Variants in CPXM2 observed in about 807,000 individuals in gnomAD.
CPXM2 encodes the protein inactive carboxypeptidase-like protein X2.
Under a neutral mutation model 86.1 loss-of-function variants are expected in CPXM2, and 66 were observed. The ratio of observed to expected loss-of-function variants is 0.77; its 90% confidence interval spans 0.63 to 0.94. The LOEUF (loss-of-function observed/expected upper bound fraction) is 0.94. Ranked by LOEUF, CPXM2 falls within the 40% of genes least tolerant of loss-of-function variation. The pLI, the probability that CPXM2 is intolerant of heterozygous loss-of-function variation, is 0.00. For synonymous variants in CPXM2, 388 were observed against 400.2 expected, an observed-to-expected ratio of 0.97 and a Z score of 0.36; for missense variants, 948 against 1,026.3, an observed-to-expected ratio of 0.92 and a Z score of 1.04.
Position 123,745,805 on chromosome 10 carries a change from A to G in CPXM2, c.*959T>C, listed in dbSNP as rs1335040649. 3 of 151,962 alleles carry G rather than the reference A, an allele frequency of 2.0e-5. No individual in the cohort carries two copies. The highest frequency in any genetic ancestry group is 4.4e-5 in the Non-Finnish European group (3 of 67,996). The allele number at this position is 151,962 out of a possible 1,614,324, so 9.4% of individuals were successfully genotyped here. On this transcript the variant is annotated 3_prime_UTR_variant, in exon 14 of 14. Coordinates refer to ENST00000241305, the MANE Select transcript of CPXM2 (RefSeq NM_198148.3). ...AGAGGTTTTCATTACATTTAGCCTAATCTGGAAGATCTGGCATTCTACATA... is the reference window on the plus strand; with the variant it reads ...AGAGGTTTTCATTACATTTAGCCTAGTCTGGAAGATCTGGCATTCTACATA...
chr10:123,793,215 A>G (rs956856606), intron 6 of CPXM2, among the ~76,000 whole-genome samples: 9 of 152,146 alleles, frequency 5.9e-5, no homozygotes, highest in African/African-American at 1.9e-4. Context: ...CTGTAATCCC[A>G]GCACTTTGGG....
chr10:123,761,549 C>T (rs1176782212), intron 11 of CPXM2, among the ~76,000 whole-genome samples: 2 of 152,122 alleles, frequency 1.3e-5, no homozygotes, highest in African/African-American at 4.8e-5. Flanking sequence ...CATCTCTAAC[C>T]CTATCAAATC....
intron 2 of CPXM2, among the ~76,000 whole-genome samples, chr10:123,866,427 G>A (rs1848982316): frequency 1.3e-5 from 2 of 152,040 alleles, no homozygotes; most frequent in Admixed American, 1.3e-4. Flanking sequence ...TCAGCCAGGT[G>A]TGGTGGTACA....
intron 2 of CPXM2, among the ~76,000 whole-genome samples, chr10:123,930,572 AG>A (rs989359039): frequency 6.6e-6 from 1 of 152,204 alleles, no homozygotes; most frequent in Non-Finnish European, 1.5e-5. Context: ...CCCTTCCATC[AG>A]GACCTCCAAG....
At chr10:123,832,055 A>G (rs1848178936) in intron 4 of CPXM2, among the ~76,000 whole-genome samples, 1 of 152,074 alleles carries the variant, frequency 6.6e-6, no homozygotes, top group Admixed American at 6.5e-5. Context: ...CCCTTCCTCC[A>G]AAAAGAAAAG....
At chr10:123,863,513 T>C (rs1433517476) in intron 2 of CPXM2, among the ~76,000 whole-genome samples, 2 of 152,108 alleles carry the variant, frequency 1.3e-5, no homozygotes, top group African/African-American at 2.4e-5. Context: ...TTCCCCAGGG[T>C]TTGCCCTCAC....
At chr10:123,843,345 A>G (rs1848426451) in intron 3 of CPXM2, 1 of 439,994 alleles carries the variant, frequency 2.3e-6, no homozygotes, top group Admixed American at 2.6e-5. Flanking sequence ...TAATTCCCTG[A>G]CTCCTCGCCT....
At chr10:123,806,927 C>A (rs1847591685) in intron 4 of CPXM2, among the ~76,000 whole-genome samples, 1 of 152,176 alleles carries the variant, frequency 6.6e-6, no homozygotes, top group Non-Finnish European at 1.5e-5. Context: ...CAGAGCCAAA[C>A]CATATCAAAG....
At chr10:123,941,752 T>A (rs1471335012), upstream of CPXM2, among the ~76,000 whole-genome samples, 1 of 152,116 alleles carries the variant, frequency 6.6e-6, no homozygotes, top group African/African-American at 2.4e-5. Context: ...CCTTTGGGGG[T>A]GCTTTGAAGA....
At chr10:123,872,124 A>G (rs552934241) in intron 2 of CPXM2, among the ~76,000 whole-genome samples, 57 of 152,340 alleles carry the variant, frequency 3.7e-4, no homozygotes, top group African/African-American at 1.3e-3. Flanking sequence ...GATACAATCA[A>G]TTTGGAAAAA....
At chr10:123,823,052 C>A (rs1162111451) in intron 4 of CPXM2, among the ~76,000 whole-genome samples, 1 of 152,068 alleles carries the variant, frequency 6.6e-6, no homozygotes, top group Non-Finnish European at 1.5e-5. Flanking sequence ...GTTAAAAATT[C>A]TTGGGGAAAA....
At chr10:123,878,506 CGTGTGTGTGTGT>C (rs200009107) in intron 2 of CPXM2, among the ~76,000 whole-genome samples, 18 of 134,878 alleles carry the variant, frequency 1.3e-4, no homozygotes, top group African/African-American at 2.2e-4. Context: ...CAAATTCAGA[CGTGTGTGTGTGT>C]GTGTGTGTGT....
intron 13 of CPXM2, chr10:123,750,411 G>A (rs1385559438): frequency 1.0e-6 from 1 of 977,658 alleles, no homozygotes; most frequent in Non-Finnish European, 1.2e-6. Context: ...TCTTGACTCT[G>A]AGCCTTTGCA....
At chr10:123,791,132 G>A (rs1847197423) in intron 6 of CPXM2, among the ~76,000 whole-genome samples, 1 of 152,174 alleles carries the variant, frequency 6.6e-6, no homozygotes, top group Non-Finnish European at 1.5e-5. Flanking sequence ...TAAAACAGCA[G>A]AAATGGCACG....
chr10:123,843,080 T>C (rs1346099893), intron 3 of CPXM2, among the ~76,000 whole-genome samples: 1 of 152,172 alleles, frequency 6.6e-6, no homozygotes, highest in Non-Finnish European at 1.5e-5. Context: ...TTTAAGTCAT[T>C]TGATGTGTTC....
intron 13 of CPXM2, among the ~76,000 whole-genome samples, chr10:123,748,259 G>A (rs948762410): frequency 1.6e-4 from 25 of 152,140 alleles, no homozygotes; most frequent in African/African-American, 6.0e-4. Context: ...GTCCTGCCCA[G>A]TCTAAAGTTT....
intron 2 of CPXM2, among the ~76,000 whole-genome samples, chr10:123,912,090 A>G (rs7907948): frequency 0.19 from 28,719 of 151,926 alleles, 3,410 homozygotes; most frequent in African/African-American, 0.33. Flanking sequence ...CTGCATTGGC[A>G]TACTTCCAGG....
intron 4 of CPXM2, among the ~76,000 whole-genome samples, chr10:123,814,307 T>G (rs763685265): frequency 6.6e-6 from 1 of 152,016 alleles, no homozygotes; most frequent in Non-Finnish European, 1.5e-5. Context: ...GGCAGAAAAA[T>G]GTGAAAAGAC....
At chr10:123,813,890 C>T (rs1286531532) in intron 4 of CPXM2, among the ~76,000 whole-genome samples, 1 of 152,166 alleles carries the variant, frequency 6.6e-6, no homozygotes, top group East Asian at 1.9e-4. Context: ...TACCTGATCA[C>T]CTTTGGAGCA....
Sources: allele counts gnomAD v4.1 joint callset (sites outside exome capture counted in the v4.1 genomes callset), GRCh38; gene constraint gnomAD v4.1.1; transcripts MANE v1.5; gene names NCBI Gene and HGNC (gene_info 2026-07-23, HGNC 2026-07-21).